Variants in CLSTN2 observed in about 807,000 individuals in gnomAD.
The protein encoded by CLSTN2 is calsyntenin-2.
A neutral mutation model predicts 101.2 loss-of-function variants in CLSTN2; 48 were observed. That is an observed-to-expected ratio of 0.47 (90% CI 0.38 to 0.60). The LOEUF is 0.60. Ranked by LOEUF, CLSTN2 falls within the 20% of genes least tolerant of loss-of-function variation. The probability of loss-of-function intolerance (pLI) is 0.00; values close to 1 mark genes in which losing one functional copy is unlikely to be tolerated. For synonymous variants in CLSTN2, 481 were observed against 463.6 expected (o/e 1.04, Z -0.48); for missense variants, 1,160 against 1,238.2 (o/e 0.94, Z 0.95).
At chr3:139,946,776 T>G (rs145685007) in intron 1 of CLSTN2, among the ~76,000 whole-genome samples, 247 of 152,342 alleles carry the variant, frequency 1.6e-3, no homozygotes, top group African/African-American at 5.6e-3. Context: ...TCTGCTGTAG[T>G]GTGTCACTAG....
At chr3:140,360,237 T>A (rs1395365249) in intron 2 of CLSTN2, among the ~76,000 whole-genome samples, 1 of 152,218 alleles carries the variant, frequency 6.6e-6, no homozygotes, top group Non-Finnish European at 1.5e-5. Context: ...GGCTCTCCCA[T>A]GTGCCAAGTA....
At chr3:140,247,852 C>T (rs1194594306) in intron 2 of CLSTN2, among the ~76,000 whole-genome samples, 2 of 152,148 alleles carry the variant, frequency 1.3e-5, no homozygotes, top group Non-Finnish European at 2.9e-5. Flanking sequence ...TAATAAATAC[C>T]TTCACAGGTA....
chr3:140,006,097 G>A (rs990694312), intron 1 of CLSTN2, among the ~76,000 whole-genome samples: 1 of 152,158 alleles, frequency 6.6e-6, no homozygotes, highest in Non-Finnish European at 1.5e-5. Context: ...CTTGGAAAAA[G>A]AGCTTCCAGT....
At chr3:140,153,970 C>A (rs1428415308) in intron 1 of CLSTN2, among the ~76,000 whole-genome samples, 1 of 152,188 alleles carries the variant, frequency 6.6e-6, no homozygotes, top group African/African-American at 2.4e-5. Context: ...TTATTGATAG[C>A]TGCCATTTCC....
intron 2 of CLSTN2, among the ~76,000 whole-genome samples, chr3:140,360,810 G>A (rs959231533): frequency 5.3e-5 from 8 of 152,022 alleles, no homozygotes; most frequent in African/African-American, 1.9e-4. Flanking sequence ...GACTCAAAAA[G>A]AAATAGAAAA....
At chr3:140,493,992 C>A (rs1934401282) in intron 8 of CLSTN2, among the ~76,000 whole-genome samples, 1 of 152,076 alleles carries the variant, frequency 6.6e-6, no homozygotes, top group Non-Finnish European at 1.5e-5. Context: ...CACAGAATGT[C>A]TTTTTTTGAA....
intron 1 of CLSTN2, among the ~76,000 whole-genome samples, chr3:140,144,255 G>A (rs966385490): frequency 3.3e-5 from 5 of 152,180 alleles, no homozygotes; most frequent in African/African-American, 1.2e-4. Context: ...TCCAAATGAG[G>A]ATTGATGTTA....
At chr3:140,277,651 G>A (rs1442998683) in intron 2 of CLSTN2, among the ~76,000 whole-genome samples, 3 of 152,028 alleles carry the variant, frequency 2.0e-5, no homozygotes, top group African/African-American at 7.2e-5. Context: ...ATTATTTGTA[G>A]ATTTGTTTCC....
chr3:140,511,491 T>G (rs1238701089), intron 8 of CLSTN2, among the ~76,000 whole-genome samples: 6 of 151,186 alleles, frequency 4.0e-5, no homozygotes, highest in Non-Finnish European at 8.8e-5. Context: ...ACCAACAGTG[T>G]AAAAGCATTC....
At chr3:140,016,793 G>GAA (rs56040791) in intron 1 of CLSTN2, among the ~76,000 whole-genome samples, 1,190 of 88,776 alleles carry the variant, frequency 0.013, 36 homozygotes, top group South Asian at 0.017. Context: ...GTGAGACTCT[G>GAA]AAAAAAAAAA....
At chr3:140,509,408 T>A (rs369408474) in intron 8 of CLSTN2, among the ~76,000 whole-genome samples, 3 of 151,698 alleles carry the variant, frequency 2.0e-5, no homozygotes, top group South Asian at 4.2e-4. Flanking sequence ...GGCTGGAGAG[T>A]GAATTTATAG....
intron 2 of CLSTN2, among the ~76,000 whole-genome samples, chr3:140,241,796 T>TATATATATATACAC (rs2086469745): frequency 2.0e-5 from 3 of 148,350 alleles, no homozygotes; most frequent in South Asian, 2.1e-4. Context: ...GCGAGATATA[T>TATATATATATACAC]ATATATATAT....
intron 1 of CLSTN2, among the ~76,000 whole-genome samples, chr3:140,091,492 C>T (rs535243465): frequency 6.6e-6 from 1 of 152,190 alleles, no homozygotes; most frequent in Non-Finnish European, 1.5e-5. Flanking sequence ...CGGTATGTGG[C>T]AGTCACAGAA....
chr3:140,120,910 C>T (rs2350503), intron 1 of CLSTN2, among the ~76,000 whole-genome samples: 107,914 of 151,572 alleles, frequency 0.71, 38,508 homozygotes, highest in East Asian at 0.81. Flanking sequence ...AACACCCTGG[C>T]GGCCAGGTAC....
chr3:140,422,321 G>A (rs541481811), intron 5 of CLSTN2, among the ~76,000 whole-genome samples: 6 of 152,182 alleles, frequency 3.9e-5, no homozygotes, highest in African/African-American at 1.2e-4. Context: ...TCTCTGGTCA[G>A]TCTTTGAATG....
intron 2 of CLSTN2, among the ~76,000 whole-genome samples, chr3:140,335,857 G>T (rs1338087361): frequency 6.6e-6 from 1 of 152,228 alleles, no homozygotes; most frequent in Non-Finnish European, 1.5e-5. Context: ...ATGTGGCTGT[G>T]TGCATGTGTA....
intron 2 of CLSTN2, among the ~76,000 whole-genome samples, chr3:140,323,221 C>T (rs2087301048): frequency 6.6e-6 from 1 of 152,150 alleles, no homozygotes; most frequent in Non-Finnish European, 1.5e-5. Context: ...TTCCTGAGCA[C>T]TGGAGTAGGG....
chr3:140,135,975 A>G (rs2009610891), intron 1 of CLSTN2, among the ~76,000 whole-genome samples: 1 of 152,194 alleles, frequency 6.6e-6, no homozygotes, highest in Non-Finnish European at 1.5e-5. Flanking sequence ...GTCATTATTT[A>G]TCTTGGACTT....
intron 2 of CLSTN2, among the ~76,000 whole-genome samples, chr3:140,236,824 A>AGTGTGT (rs548988567): frequency 0.092 from 11,565 of 125,348 alleles, 496 homozygotes; most frequent in Middle Eastern, 0.17. Flanking sequence ...TATGTTATAT[A>AGTGTGT]GTGTGTGTGT....
Sources: allele counts gnomAD v4.1 joint callset (sites outside exome capture counted in the v4.1 genomes callset), GRCh38; gene constraint gnomAD v4.1.1; transcripts MANE v1.5; gene names NCBI Gene and HGNC (gene_info 2026-07-23, HGNC 2026-07-21).